Variants in MAPK10 observed in about 807,000 individuals in gnomAD.
MAPK10 encodes the protein JNK3 alpha protein kinase.
In MAPK10, 25 loss-of-function variants were observed where a neutral mutation model predicts 59.3. That is an observed-to-expected ratio of 0.42 (90% confidence interval 0.31 to 0.59). The LOEUF (loss-of-function observed/expected upper bound fraction) is 0.59. Ranked by LOEUF, MAPK10 falls within the 20% of genes least tolerant of loss-of-function variation. The probability of loss-of-function intolerance (pLI) is 0.15; values close to 1 mark genes in which losing one functional copy is unlikely to be tolerated. For synonymous variants in MAPK10, 190 were observed against 200.5 expected, an observed-to-expected ratio of 0.95 and a Z score of 0.44; for missense variants, 351 against 568.9, an observed-to-expected ratio of 0.62 and a Z score of 3.90.
intron 1 of MAPK10, among the ~76,000 whole-genome samples, chr4:86,498,868 A>C (rs1200385526): frequency 6.6e-6 from 1 of 152,156 alleles, no homozygotes; most frequent in Non-Finnish European, 1.5e-5. Flanking sequence ...GGAACACCAA[A>C]GTGGCACTCA....
At chr4:86,365,137 G>A (rs1202951352) in intron 1 of MAPK10, among the ~76,000 whole-genome samples, 1 of 151,924 alleles carries the variant, frequency 6.6e-6, no homozygotes, top group African/African-American at 2.4e-5. Flanking sequence ...TTGTATTACT[G>A]TAACTTTGTG....
At chr4:86,332,282 A>G (rs1220816519) in intron 2 of MAPK10, among the ~76,000 whole-genome samples, 1 of 152,228 alleles carries the variant, frequency 6.6e-6, no homozygotes, top group Non-Finnish European at 1.5e-5. Flanking sequence ...CCTTAAATGA[A>G]ACTTTACATT....
chr4:86,241,575 G>T (rs1304172317), intron 2 of MAPK10, among the ~76,000 whole-genome samples: 1 of 151,876 alleles, frequency 6.6e-6, no homozygotes, highest in African/African-American at 2.4e-5. Context: ...TTTCAGTAAG[G>T]TGGTCCTCAA....
In MAPK10 at chr4:86,590,610, C is replaced by G. The variant is rs115875803; in HGVS notation, c.-263+3300G>C. On this transcript the variant is annotated intron_variant, in intron 1 of 4. Transcript: ENST00000502302. ...ACTAATCTGGGCAACATAGCAAGACCCCTCTCTACAAAACTTTTTTAAAAA... is the reference window on the plus strand; with the variant it reads ...ACTAATCTGGGCAACATAGCAAGACGCCTCTCTACAAAACTTTTTTAAAAA... Among the ~76,000 whole-genome samples, 861 of 151,862 alleles carry G rather than the reference C, an allele frequency of 5.7e-3. 13 individuals are homozygous for G. The highest frequency in any genetic ancestry group is 0.02 in the African/African-American group (812 of 41,396).
At chr4:86,545,610 A>G (rs1289241760) in intron 1 of MAPK10, among the ~76,000 whole-genome samples, 1 of 152,172 alleles carries the variant, frequency 6.6e-6, no homozygotes, top group African/African-American at 2.4e-5. Flanking sequence ...TGTATTTTTC[A>G]TGGTGGGCAA....
chr4:86,563,471 A>C (rs1760826534), intron 1 of MAPK10, among the ~76,000 whole-genome samples: 1 of 152,198 alleles, frequency 6.6e-6, no homozygotes, highest in African/African-American at 2.4e-5. Flanking sequence ...TAATTAAATT[A>C]CCAGATTTAT....
chr4:86,313,078 C>CAT (rs201033623), intron 2 of MAPK10, among the ~76,000 whole-genome samples: 2,417 of 151,996 alleles, frequency 0.016, 65 homozygotes, highest in African/African-American at 0.054. Flanking sequence ...TACATGAATA[C>CAT]ATATATATAC....
intron 7 of MAPK10, 132 bp from the exon 8 acceptor site, chr4:86,101,349 G>C: frequency 1.8e-6 from 1 of 559,054 alleles, no homozygotes; most frequent in East Asian, 2.8e-5. Context: ...TCTAAATAAG[G>C]CAAATGATTA....
At chr4:86,209,822 G>T (rs1472069764) in intron 2 of MAPK10, among the ~76,000 whole-genome samples, 3 of 151,824 alleles carry the variant, frequency 2.0e-5, no homozygotes, top group African/African-American at 7.3e-5. Flanking sequence ...AGCCAAAACT[G>T]TCCTAAGCCA....
intron 2 of MAPK10, among the ~76,000 whole-genome samples, chr4:86,309,606 G>A (rs983201909): frequency 2.6e-5 from 4 of 152,092 alleles, no homozygotes; most frequent in Non-Finnish European, 5.9e-5. Flanking sequence ...TCAAAAGTAT[G>A]CCCCCAGAGC....
intron 1 of MAPK10, among the ~76,000 whole-genome samples, chr4:86,491,491 C>A (rs1200323810): frequency 1.3e-5 from 2 of 152,136 alleles, no homozygotes. Context: ...GTTAAAAACT[C>A]CAGACACTCC....
At chr4:86,064,460 AT>A in intron 10 of MAPK10, 70 bp from the exon 11 acceptor site, 1 of 1,481,444 alleles carries the variant, frequency 6.8e-7, no homozygotes, top group Non-Finnish European at 9.4e-7. Flanking sequence ...CAGAGAGGAA[AT>A]TTAAGAAAAC....
intron 1 of MAPK10, among the ~76,000 whole-genome samples, chr4:86,368,994 C>T (rs1264977350): frequency 6.6e-6 from 1 of 152,148 alleles, no homozygotes; most frequent in African/African-American, 2.4e-5. Context: ...GAAAGTTATT[C>T]TTGCCAGACA....
chr4:86,297,466 C>G (rs890895689), intron 2 of MAPK10, among the ~76,000 whole-genome samples: 1 of 152,092 alleles, frequency 6.6e-6, no homozygotes, highest in African/African-American at 2.4e-5. Context: ...GTGCCCACCA[C>G]CAAGGTCGGC....
intron 2 of MAPK10, chr4:86,325,919 T>G (rs1448165335): frequency 1.3e-5 from 2 of 152,234 alleles, no homozygotes; most frequent in African/African-American, 4.8e-5. Flanking sequence ...ATGCAGCATG[T>G]CAGAGGACCA....
At chr4:86,412,763 G>T (rs557500005) in intron 1 of MAPK10, among the ~76,000 whole-genome samples, 1 of 152,094 alleles carries the variant, frequency 6.6e-6, no homozygotes, top group Non-Finnish European at 1.5e-5. Context: ...GGTCATTTAA[G>T]GTCTTCTCTA....
chr4:86,569,460 A>G (rs926819973), intron 1 of MAPK10, among the ~76,000 whole-genome samples: 1 of 152,142 alleles, frequency 6.6e-6, no homozygotes, highest in Non-Finnish European at 1.5e-5. Context: ...TATCTACCCA[A>G]AGAAAATTAA....
intron 2 of MAPK10, among the ~76,000 whole-genome samples, chr4:86,227,380 G>A (rs1457349444): frequency 2.0e-5 from 3 of 151,636 alleles, no homozygotes; most frequent in South Asian, 2.1e-4. Flanking sequence ...CCAGCTACTC[G>A]GGAGGCTGAG....
chr4:86,455,536 C>A (rs1470320512), upstream of MAPK10, among the ~76,000 whole-genome samples: 1 of 152,000 alleles, frequency 6.6e-6, no homozygotes, highest in East Asian at 1.9e-4. Context: ...AACTTTAAAG[C>A]AACAGCAGTT....
Sources: gnomAD v4.1 joint callset for allele counts (sites outside exome capture counted in the v4.1 genomes callset) on GRCh38, gnomAD v4.1.1 for gene constraint, MANE v1.5 for transcripts, NCBI Gene and HGNC (gene_info 2026-07-23, HGNC 2026-07-21) for gene names.